Variants in GLIS3 observed in about 807,000 individuals in gnomAD.
GLIS3 encodes zinc finger protein GLIS3.
GLIS3 carries 53 observed loss-of-function variants against 78.6 expected under a neutral mutation model. The observed-to-expected ratio is 0.67, with a 90% CI of 0.54 to 0.85. The LOEUF (loss-of-function observed/expected upper bound fraction) is 0.85. Among genes scored for constraint, GLIS3 ranks in the 40% least tolerant of loss-of-function variants. The probability of loss-of-function intolerance (pLI) is 0.00; values close to 1 mark genes in which losing one functional copy is unlikely to be tolerated. For missense variants in GLIS3, 1,703 were observed against 1,231.1 expected, an observed-to-expected ratio of 1.38 and a Z score of -5.74; for synonymous variants, 684 against 509.9, an observed-to-expected ratio of 1.34 and a Z score of -4.60.
chr9:4,428,057 T>A, the GLIS3 span, among the ~76,000 whole-genome samples: 1 of 151,682 alleles, frequency 6.6e-6, no homozygotes. Context: ...GTGCCGGGAA[T>A]AGCATGAAAT....
chr9:4,441,365 G>A, the GLIS3 span, among the ~76,000 whole-genome samples: 4 of 152,262 alleles, frequency 2.6e-5, no homozygotes, highest in African/African-American at 9.6e-5. Flanking sequence ...ATGATTAAGT[G>A]ATGTTGAATT....
intron 8 of GLIS3, among the ~76,000 whole-genome samples, chr9:3,868,598 A>G (rs1054024879): frequency 9.2e-5 from 14 of 152,200 alleles, no homozygotes; most frequent in South Asian, 2.1e-4. Context: ...TTTTTCTTCT[A>G]TCAGGCAGAG....
intron 2 of GLIS3, among the ~76,000 whole-genome samples, chr9:4,311,641 A>G (rs370491064): frequency 7.9e-5 from 12 of 152,072 alleles, no homozygotes; most frequent in African/African-American, 2.7e-4. Flanking sequence ...GTCTTCCCCA[A>G]CAGCAACATG....
rs58335681 is a variant in GLIS3 at position 3,835,973 on chromosome 9, T to C, written c.2474-6481A>G. Among the ~76,000 whole-genome samples the C allele has an allele frequency of 1.7e-3, 266 of 152,290 alleles. 2 individuals carry two copies. Among genetic ancestry groups the C allele is most frequent in the African/African-American group, 6.1e-3 (252 of 41,572 alleles). The stretch of plus-strand genomic sequence containing the variant: ...AAGTAACATAATTTCATACTACATA[T>C]GACAATAGAAAATTTTCTTTACGGG... On this transcript the variant is annotated intron_variant, in intron 9 of 10. Transcript: ENST00000381971.
At chr9:4,185,931 A>C (rs886405299) in intron 2 of GLIS3, among the ~76,000 whole-genome samples, 1 of 152,204 alleles carries the variant, frequency 6.6e-6, no homozygotes, top group South Asian at 2.1e-4. Context: ...AAATGGAAGG[A>C]CAGTCAGAAT....
At chr9:4,332,719 C>T (rs1036251559) in intron 2 of GLIS3, among the ~76,000 whole-genome samples, 4 of 152,154 alleles carry the variant, frequency 2.6e-5, no homozygotes, top group East Asian at 1.9e-4. Context: ...AGCTAATAGG[C>T]GGGAGTCAGC....
chr9:4,049,515 G>A (rs1026591777), intron 4 of GLIS3, among the ~76,000 whole-genome samples: 5 of 152,148 alleles, frequency 3.3e-5, no homozygotes, highest in Admixed American at 2.6e-4. Context: ...CGGCAGGAGT[G>A]TCGTGTACTG....
chr9:4,307,877 C>G (rs1817267697), intron 4 of GLIS3, among the ~76,000 whole-genome samples: 1 of 152,086 alleles, frequency 6.6e-6, no homozygotes, highest in Non-Finnish European at 1.5e-5. Flanking sequence ...GATCTTAGAC[C>G]AAGGAAACCT....
At chr9:4,432,577 G>A in the GLIS3 span, among the ~76,000 whole-genome samples, 1 of 151,274 alleles carries the variant, frequency 6.6e-6, no homozygotes, top group Admixed American at 6.6e-5. Flanking sequence ...CACAAGCCTT[G>A]TGTTCCAAAA....
chr9:4,276,680 G>A (rs911152793), intron 2 of GLIS3, among the ~76,000 whole-genome samples: 2 of 152,196 alleles, frequency 1.3e-5, no homozygotes, highest in Non-Finnish European at 2.9e-5. Flanking sequence ...TTTTAAAGAT[G>A]TAATGTTATA....
At chr9:3,973,438 G>C (rs1053351001) in intron 4 of GLIS3, among the ~76,000 whole-genome samples, 7 of 152,110 alleles carry the variant, frequency 4.6e-5, no homozygotes, top group Non-Finnish European at 1.5e-5. Context: ...GGTGTGGCTG[G>C]TCCAACCTAA....
chr9:4,402,155 G>T, the GLIS3 span, among the ~76,000 whole-genome samples: 27 of 152,292 alleles, frequency 1.8e-4, no homozygotes, highest in African/African-American at 6.3e-4. Context: ...GTGGCCACAG[G>T]GGTGTTTGCA....
intron 4 of GLIS3, among the ~76,000 whole-genome samples, chr9:4,114,738 G>T (rs1831500055): frequency 6.6e-6 from 1 of 151,978 alleles, no homozygotes. Context: ...TTTGCCACTG[G>T]GTGGGAATGT....
At chr9:4,469,296 T>A in the GLIS3 span, among the ~76,000 whole-genome samples, 3 of 152,136 alleles carry the variant, frequency 2.0e-5, no homozygotes, top group African/African-American at 7.2e-5. Context: ...CTAATAGACA[T>A]CTACAGAACC....
At chr9:4,484,705 C>T in the GLIS3 span, among the ~76,000 whole-genome samples, 1 of 152,038 alleles carries the variant, frequency 6.6e-6, no homozygotes, top group South Asian at 2.1e-4. Context: ...GCGTGAGCCA[C>T]TGTGCCCAGT....
chr9:4,177,240 G>A (rs146236346), intron 2 of GLIS3, among the ~76,000 whole-genome samples: 33 of 152,254 alleles, frequency 2.2e-4, no homozygotes, highest in Admixed American at 1.2e-3. Flanking sequence ...CCCTTTATGA[G>A]TGGTCTCTTC....
At chr9:4,205,602 C>G (rs1404101010) in intron 2 of GLIS3, among the ~76,000 whole-genome samples, 2 of 152,104 alleles carry the variant, frequency 1.3e-5, no homozygotes, top group Non-Finnish European at 2.9e-5. Flanking sequence ...CACGGAGGAG[C>G]TGAAGGATGA....
upstream of GLIS3, among the ~76,000 whole-genome samples, chr9:4,349,806 G>T (rs940653912): frequency 2.6e-4 from 39 of 152,224 alleles, no homozygotes; most frequent in Non-Finnish European, 5.3e-4. Flanking sequence ...TAAATTCATG[G>T]TGGCAAGAAG....
At chr9:4,234,840 C>G (rs891165706) in intron 2 of GLIS3, among the ~76,000 whole-genome samples, 1 of 152,160 alleles carries the variant, frequency 6.6e-6, no homozygotes, top group Non-Finnish European at 1.5e-5. Flanking sequence ...GCAACTATTT[C>G]AGAAAATAGG....
Sources: gnomAD v4.1 joint callset for allele counts (sites outside exome capture counted in the v4.1 genomes callset) on GRCh38, gnomAD v4.1.1 for gene constraint, MANE v1.5 for transcripts, NCBI Gene and HGNC (gene_info 2026-07-23, HGNC 2026-07-21) for gene names.